CTNND2: variants seen among roughly 807,000 people sequenced by gnomAD.
CTNND2 encodes the protein catenin delta-2.
Under a neutral mutation model 144.4 loss-of-function variants are expected in CTNND2, and 22 were observed. The ratio of observed to expected loss-of-function variants is 0.15; its 90% CI spans 0.11 to 0.22. The LOEUF (loss-of-function observed/expected upper bound fraction) is 0.22. CTNND2 is among the 10% of genes least tolerant of loss of function. The probability of loss-of-function intolerance (pLI) is 1.00; values close to 1 mark genes in which losing one functional copy is unlikely to be tolerated. For synonymous variants in CTNND2, 751 were observed against 695.6 expected (o/e 1.08, Z -1.25); for missense variants, 1,353 against 1,618.8 (o/e 0.84, Z 2.82).
At chr5:11,007,378 G>A (rs1366975687) in intron 18 of CTNND2, among the ~76,000 whole-genome samples, 7 of 152,224 alleles carry the variant, frequency 4.6e-5, no homozygotes, top group Non-Finnish European at 8.8e-5. Context: ...CTGGCGGTGA[G>A]GACGGCATGA....
Position 11,701,471 on chromosome 5 carries a change from AAT to A in CTNND2, c.174+30663_174+30664del, listed in dbSNP as rs575043163. Among the ~76,000 whole-genome samples, 588 of 152,352 alleles carry A rather than the reference AAT, an allele frequency of 3.9e-3. 2 individuals are homozygous for A. The highest frequency in any genetic ancestry group is 0.013 in the African/African-American group (526 of 41,584). ...AAGTAATGATTCAGACCACTCAAAGAATTTCTATACATTCAATATTCGTATTT... is the reference window on the plus strand; with the variant it reads ...AAGTAATGATTCAGACCACTCAAAGATTCTATACATTCAATATTCGTATTT... On this transcript the variant is annotated intron_variant, in intron 2 of 21. Coordinates refer to ENST00000304623, the MANE Select transcript of CTNND2 (RefSeq NM_001332.4).
At chr5:11,530,841 G>T (rs1409833158) in intron 3 of CTNND2, among the ~76,000 whole-genome samples, 2 of 152,178 alleles carry the variant, frequency 1.3e-5, no homozygotes, top group African/African-American at 2.4e-5. Context: ...ATCATACTTA[G>T]ATTATGAACT....
At chr5:11,428,495 C>T (rs1347420509) in intron 3 of CTNND2, among the ~76,000 whole-genome samples, 5 of 152,130 alleles carry the variant, frequency 3.3e-5, no homozygotes, top group Admixed American at 3.3e-4. Flanking sequence ...AGTAGCTTTA[C>T]CCCTTATCAA....
chr5:11,448,632 G>T (rs1316562472), intron 3 of CTNND2, among the ~76,000 whole-genome samples: 1 of 152,078 alleles, frequency 6.6e-6, no homozygotes, highest in East Asian at 1.9e-4. Flanking sequence ...TTATATTAAG[G>T]TATTGAAAAT....
intron 9 of CTNND2, among the ~76,000 whole-genome samples, chr5:11,310,829 T>C (rs766708537): frequency 3.8e-5 from 5 of 130,246 alleles, no homozygotes; most frequent in East Asian, 2.8e-4. Flanking sequence ...CACAGTCCCA[T>C]GTGCCCTTAA....
At chr5:11,063,966 A>T (rs1405134381) in intron 16 of CTNND2, among the ~76,000 whole-genome samples, 1 of 152,194 alleles carries the variant, frequency 6.6e-6, no homozygotes, top group African/African-American at 2.4e-5. Context: ...TGGTCAGGCC[A>T]TGCTGGGGAA....
At chr5:11,247,525 T>C (rs1018542513) in intron 9 of CTNND2, among the ~76,000 whole-genome samples, 1 of 152,184 alleles carries the variant, frequency 6.6e-6, no homozygotes, top group African/African-American at 2.4e-5. Flanking sequence ...TCCTGGCTGG[T>C]AAAGTGAAGA....
chr5:11,528,144 G>A (rs1773432202), intron 3 of CTNND2, among the ~76,000 whole-genome samples: 1 of 152,044 alleles, frequency 6.6e-6, no homozygotes, highest in African/African-American at 2.4e-5. Flanking sequence ...TCTCATACAG[G>A]GTTCAGAAAG....
At chr5:11,864,797 G>T (rs772930208) in intron 1 of CTNND2, among the ~76,000 whole-genome samples, 4 of 151,614 alleles carry the variant, frequency 2.6e-5, no homozygotes, top group South Asian at 2.1e-4. Context: ...CCCTCAGGTG[G>T]CAAAACTGTC....
At chr5:11,460,234 C>T (rs773490131) in intron 3 of CTNND2, among the ~76,000 whole-genome samples, 12 of 152,112 alleles carry the variant, frequency 7.9e-5, no homozygotes, top group Admixed American at 3.3e-4. Flanking sequence ...ACCCAGATCA[C>T]GGGACTACTG....
rs908294880 is a variant in CTNND2 at position 11,385,046 on chromosome 5, C to T, written c.796G>A (p.Gly266Ser). 2 of 1,138,284 alleles carry T rather than the reference C, an allele frequency of 1.8e-6. No homozygotes were observed. The highest frequency in any genetic ancestry group is 1.7e-5 in the African/African-American group (1 of 60,446). 70.5% of individuals were successfully genotyped at this position (1,138,284 alleles called of 1,614,324 possible). A position where few individuals can be genotyped will look rare whatever the true frequency, so the allele number is the denominator to read the frequency against. ...CCCTGGGGCGCGGCCAGCGGGGAGC[C>T]CCCGCGCGGCGGCGCGGGCAGCGTG... Reference protein sequence around the residue: ...SSTLPAPPRGGSPLAAPQGGS... With the variant: ...SSTLPAPPRGSSPLAAPQGGS... The change falls in exon 7 of 22, where the codon GGC becomes AGC. Residue 266 changes from glycine (G) to serine (S), a missense_variant. This residue lies in a region of CTNND2 where 708 missense variants were observed against 706.4 expected (regional missense o/e 1.00). Transcript: ENST00000304623.
At chr5:11,253,247 T>C (rs1244711178) in intron 9 of CTNND2, among the ~76,000 whole-genome samples, 1 of 152,204 alleles carries the variant, frequency 6.6e-6, no homozygotes, top group East Asian at 1.9e-4. Context: ...TCCTCCCAGA[T>C]TTGTCATGTC....
At chr5:11,083,865 C>A in intron 15 of CTNND2, 1 of 1,109,934 alleles carries the variant, frequency 9.0e-7, no homozygotes. Context: ...GCAGGCACCC[C>A]AGAGCTGGCT....
chr5:11,134,665 C>A (rs191920232), intron 12 of CTNND2, among the ~76,000 whole-genome samples: 12 of 152,126 alleles, frequency 7.9e-5, no homozygotes, highest in Admixed American at 2.6e-4. Flanking sequence ...AATGACAAGA[C>A]GAGATGTAGT....
chr5:11,326,258 T>C (rs1437227835), intron 9 of CTNND2, among the ~76,000 whole-genome samples: 1 of 152,214 alleles, frequency 6.6e-6, no homozygotes, highest in Non-Finnish European at 1.5e-5. Context: ...GTGACTTCTT[T>C]GGTCAACGAA....
chr5:11,434,076 C>T (rs1224665112), intron 3 of CTNND2, among the ~76,000 whole-genome samples: 1 of 152,068 alleles, frequency 6.6e-6, no homozygotes. Flanking sequence ...AGCCCAGAAA[C>T]TAATCAATAA....
At chr5:11,539,613 C>G (rs1006670437) in intron 3 of CTNND2, among the ~76,000 whole-genome samples, 4 of 152,328 alleles carry the variant, frequency 2.6e-5, no homozygotes, top group Non-Finnish European at 5.9e-5. Context: ...ATGCAAGCAG[C>G]AAGCCATGGG....
chr5:11,061,968 C>A (rs1423075350), intron 16 of CTNND2, among the ~76,000 whole-genome samples: 1 of 152,164 alleles, frequency 6.6e-6, no homozygotes, highest in Non-Finnish European at 1.5e-5. Context: ...CTCGGCCTCC[C>A]AAAGAGCTGA....
At chr5:11,888,044 C>T (rs1013119345) in intron 1 of CTNND2, among the ~76,000 whole-genome samples, 1 of 152,102 alleles carries the variant, frequency 6.6e-6, no homozygotes, top group Non-Finnish European at 1.5e-5. Flanking sequence ...CCTGGTATTA[C>T]CAGCATATTC....
Sources: allele counts gnomAD v4.1 joint callset (sites outside exome capture counted in the v4.1 genomes callset), GRCh38; gene constraint gnomAD v4.1.1; regional missense constraint gnomAD v4.1.1; transcripts MANE v1.5; gene names NCBI Gene and HGNC (gene_info 2026-07-23, HGNC 2026-07-21).